The following MAGI3 variants were observed in gnomAD, a reference collection of about 807,000 sequenced individuals.
MAGI3 encodes the protein membrane associated guanylate kinase, WW and PDZ domain containing 3.
In MAGI3, 43 loss-of-function variants were observed where a neutral mutation model predicts 121.8. That is an observed-to-expected ratio of 0.35 (90% CI 0.28 to 0.46). MAGI3 has a LOEUF of 0.46. Among genes scored for constraint, MAGI3 ranks in the 20% least tolerant of loss-of-function variants. The pLI is 1.00. For synonymous variants in MAGI3, 553 were observed against 639.3 expected (o/e 0.86, Z 2.04); for missense variants, 1,547 against 1,797.3 (o/e 0.86, Z 2.52).
intron 6 of MAGI3, among the ~76,000 whole-genome samples, chr1:113,612,073 A>G (rs983049788): frequency 2.0e-5 from 3 of 151,976 alleles, no homozygotes; most frequent in Non-Finnish European, 4.4e-5. Context: ...CCTCCTGAGT[A>G]GCTGGGACTA....
intron 2 of MAGI3, among the ~76,000 whole-genome samples, chr1:113,579,770 G>A: frequency 6.6e-6 from 1 of 152,104 alleles, no homozygotes; most frequent in East Asian, 1.9e-4. Context: ...AGAGGGAAGA[G>A]CCCAAGACGA....
chr1:113,641,824 C>G, intron 9 of MAGI3, 87 bp from the exon 10 acceptor site: 1 of 1,284,378 alleles, frequency 7.8e-7, no homozygotes. Flanking sequence ...AATTTAGTTG[C>G]TAAATTGTAG....
rs549924257 is a variant in MAGI3, at chr1:113,604,900, A to G, written c.1019-9701A>G. On this transcript the variant is annotated intron_variant, in intron 6 of 20. Transcript: ENST00000307546. The stretch of plus-strand genomic sequence containing the variant: ...CACTACTTGGGTGATGGGTGCACTA[A>G]AATCTCAGATTTCACCACTATACAG... Among the ~76,000 whole-genome samples the G allele has an allele frequency of 1.1e-3, 164 of 151,290 alleles. 2 individuals are homozygous for G. Among genetic ancestry groups the G allele is most frequent in the South Asian group, 8.3e-4 (4 of 4,812 alleles).
chr1:113,519,188 G>C (rs546293492), intron 1 of MAGI3, among the ~76,000 whole-genome samples: 1 of 151,960 alleles, frequency 6.6e-6, no homozygotes, highest in Admixed American at 6.6e-5. Flanking sequence ...ACTTGGGGGT[G>C]GGGGAAGAGG....
intron 19 of MAGI3, among the ~76,000 whole-genome samples, chr1:113,676,696 A>G (rs1458897087): frequency 1.3e-5 from 2 of 152,140 alleles, no homozygotes; most frequent in Admixed American, 6.5e-5. Flanking sequence ...TGTCCAAATG[A>G]TAAGAGTTTA....
intron 1 of MAGI3, among the ~76,000 whole-genome samples, chr1:113,445,931 G>C (rs1654155327): frequency 6.6e-6 from 1 of 152,100 alleles, no homozygotes; most frequent in South Asian, 2.1e-4. Context: ...AAGAAGACTA[G>C]ACAGTAACTC....
intron 1 of MAGI3, among the ~76,000 whole-genome samples, chr1:113,497,022 C>T (rs1020131814): frequency 2.6e-5 from 4 of 152,236 alleles, no homozygotes; most frequent in African/African-American, 9.6e-5. Flanking sequence ...CTTTGGGAGG[C>T]AAAGGCAGGC....
chr1:113,584,377 C>A (rs890596354), intron 3 of MAGI3, among the ~76,000 whole-genome samples: 1 of 152,118 alleles, frequency 6.6e-6, no homozygotes, highest in Non-Finnish European at 1.5e-5. Flanking sequence ...TTTTCTGGAA[C>A]ATTTATTTTT....
At chr1:113,589,797 C>G (rs775007909) in intron 4 of MAGI3, among the ~76,000 whole-genome samples, 1 of 152,108 alleles carries the variant, frequency 6.6e-6, no homozygotes, top group Non-Finnish European at 1.5e-5. Context: ...ACTCCCTAGA[C>G]AGTACCCAAA....
At chr1:113,559,791 G>A (rs774146668) in intron 2 of MAGI3, among the ~76,000 whole-genome samples, 1 of 152,014 alleles carries the variant, frequency 6.6e-6, no homozygotes. Context: ...GGCTGGTCTC[G>A]AATTCCTGAC....
rs749132573 is a variant in MAGI3, at chr1:113,651,054, A to T, written c.2288A>T (p.Lys763Ile). 5.5e-5 allele frequency: 89 copies of T among 1,614,176 alleles called. No homozygotes were observed. Among genetic ancestry groups the T allele is most frequent in the Non-Finnish European group, 7.5e-5 (88 of 1,180,024 alleles). The stretch of plus-strand genomic sequence containing the variant: ...ATTATTCCCCTGGGAGCAGCTGAGA[A>T]AGATGGTCGGCTCCGCGCAGCTGAT... Reference protein sequence around the residue: ...GAIIPLGAAEKDGRLRAADEL... With the variant: ...GAIIPLGAAEIDGRLRAADEL... Residue 763 changes from lysine to isoleucine, a missense_variant, in exon 14 of 21, where the codon AAA becomes ATA. Lys to Ile is a moderately radical substitution (Grantham distance 102). Transcript: ENST00000307546.
chr1:113,668,223 A>G (rs2101013751), intron 16 of MAGI3, among the ~76,000 whole-genome samples: 1 of 152,334 alleles, frequency 6.6e-6, no homozygotes, highest in East Asian at 1.9e-4. Flanking sequence ...GTTGCCATAA[A>G]CCTTCAATTT....
At chr1:113,670,461 T>C (rs187981119) in intron 16 of MAGI3, among the ~76,000 whole-genome samples, 221 of 152,356 alleles carry the variant, frequency 1.5e-3, no homozygotes, top group African/African-American at 5.2e-3. Flanking sequence ...TTATCTCTTA[T>C]CTTTAACATG....
chr1:113,524,553 C>T (rs1182596575), intron 1 of MAGI3, among the ~76,000 whole-genome samples: 5 of 151,998 alleles, frequency 3.3e-5, no homozygotes, highest in Admixed American at 6.6e-5. Flanking sequence ...TACTAGATTT[C>T]GGACTTGCAT....
chr1:113,398,523 T>C (rs1651236946), intron 1 of MAGI3, among the ~76,000 whole-genome samples: 1 of 152,176 alleles, frequency 6.6e-6, no homozygotes. Context: ...GCTGGTTTTT[T>C]TGCACATAAT....
At chr1:113,618,702 C>T in intron 7 of MAGI3, 12 of 290,580 alleles carry the variant, frequency 4.1e-5, no homozygotes, top group Non-Finnish European at 7.4e-5. Context: ...GATGGGGTTT[C>T]ACCATGTTGG....
At chr1:113,464,022 C>T (rs530174668) in intron 1 of MAGI3, among the ~76,000 whole-genome samples, 1 of 152,152 alleles carries the variant, frequency 6.6e-6, no homozygotes, top group Admixed American at 6.5e-5. Flanking sequence ...ATTATGCTAG[C>T]TATTTCAAAA....
At chr1:113,509,366 TTTG>T (rs1557793980) in intron 1 of MAGI3, among the ~76,000 whole-genome samples, 1 of 143,054 alleles carries the variant, frequency 7.0e-6, no homozygotes, top group Non-Finnish European at 1.6e-5. Context: ...TTTTTTTTTT[TTTG>T]TTTTCTTTTT....
At chr1:113,615,290 T>A (rs1650388486) in intron 7 of MAGI3, among the ~76,000 whole-genome samples, 1 of 152,190 alleles carries the variant, frequency 6.6e-6, no homozygotes, top group Non-Finnish European at 1.5e-5. Flanking sequence ...ATCTAATTGC[T>A]ACAATGTTAT....
Sources: allele counts gnomAD v4.1 joint callset (sites outside exome capture counted in the v4.1 genomes callset), GRCh38; gene constraint gnomAD v4.1.1; transcripts MANE v1.5; gene names NCBI Gene and HGNC (gene_info 2026-07-23, HGNC 2026-07-21).